PFKM: variants seen among roughly 807,000 people sequenced by gnomAD.
PFKM encodes the protein phosphofructokinase, muscle, also known as ATP-dependent 6-phosphofructokinase, muscle type.
In PFKM, 58 loss-of-function variants were observed where a neutral mutation model predicts 95.5. The ratio of observed to expected loss-of-function variants is 0.61; its 90% CI spans 0.49 to 0.76. The LOEUF is 0.76. PFKM is among the 30% of genes least tolerant of loss of function. The pLI, the probability that PFKM is intolerant of heterozygous loss-of-function variation, is 0.00. For synonymous variants in PFKM, 336 were observed against 357.2 expected (o/e 0.94, Z 0.67); for missense variants, 678 against 1,005.4 (o/e 0.67, Z 4.40).
Position 48,141,371 on chromosome 12 carries a change from G to C in PFKM, c.1402G>C (p.Gly468Arg). The change falls in exon 15 of 23, where the codon GGG becomes CGG. Residue 468 changes from glycine to arginine, a missense_variant. Coordinates refer to ENST00000359794, the MANE Select transcript of PFKM (RefSeq NM_000289.6). ...GACTGGCCAAGGTGGCTCTAAACTTGGGACTAAAAGGTAAGTAGCACTGCA... is the reference window on the plus strand; with the variant it reads ...GACTGGCCAAGGTGGCTCTAAACTTCGGACTAAAAGGTAAGTAGCACTGCA... The part of the protein sequence containing the change: ...GWTGQGGSKL[G>R]TKRTLPKKSF... 1 of 1,613,978 alleles carries C rather than the reference G, an allele frequency of 6.2e-7. No individual in the cohort carries two copies. The highest frequency in any genetic ancestry group is 1.1e-5 in the South Asian group (1 of 91,080).
chr12:48,108,305 C>A, intron 3 of PFKM: 1 of 915,678 alleles, frequency 1.1e-6, no homozygotes, highest in South Asian at 2.4e-5. Flanking sequence ...AAATATAAGA[C>A]CCAAGGGGGA....
chr12:48,126,111 C>G (rs1249652965), intron 2 of PFKM, among the ~76,000 whole-genome samples: 1 of 152,104 alleles, frequency 6.6e-6, no homozygotes, highest in Non-Finnish European at 1.5e-5. Context: ...CTGACTACAC[C>G]CAGAATACCT....
intron 4 of PFKM, 173 bp downstream of exon 4, chr12:48,131,566 T>C (rs1402204603): frequency 3.0e-6 from 2 of 669,262 alleles, no homozygotes; most frequent in Non-Finnish European, 5.4e-6. Flanking sequence ...AATACCACCC[T>C]GGTTTCCTGG....
intron 20 of PFKM, among the ~76,000 whole-genome samples, chr12:48,144,492 G>C (rs1488849794): frequency 1.3e-5 from 2 of 152,038 alleles, no homozygotes; most frequent in East Asian, 3.9e-4. Flanking sequence ...AGCATCCCTG[G>C]TCTCTACCCA....
At chr12:48,134,133 C>A in intron 6 of PFKM, 99 bp from the exon 7 acceptor site, 1 of 959,978 alleles carries the variant, frequency 1.0e-6, no homozygotes, top group Non-Finnish European at 1.7e-6. Context: ...TGGCAGCATA[C>A]ATGTATCTCC....
At chr12:48,131,118 A>G (rs2135853637) in intron 3 of PFKM, among the ~76,000 whole-genome samples, 198 bp from the exon 4 acceptor site, 1 of 152,334 alleles carries the variant, frequency 6.6e-6, no homozygotes. Flanking sequence ...AAATGGGAGA[A>G]AGTAGAAGAG....
intron 10 of PFKM, among the ~76,000 whole-genome samples, chr12:48,135,921 C>G (rs987180508): frequency 5.1e-5 from 4 of 78,142 alleles, no homozygotes; most frequent in Non-Finnish European, 1.2e-4. Flanking sequence ...CGCACCATTG[C>G]ACTCGCTCCC....
At position 48,112,095 on chromosome 12, in the gene PFKM, C is replaced by A. The variant is rs12322803; in HGVS notation, c.205+3901C>A. Reference sequence around the variant, plus strand: ...CGCGGTCCTGGCTTATGTAAGAACTCCGACTGCACGGCCCTGCACTTTGGC... The same window carrying A: ...CGCGGTCCTGGCTTATGTAAGAACTACGACTGCACGGCCCTGCACTTTGGC... On this transcript the variant is annotated intron_variant, in intron 3 of 24. Coordinates refer to the PFKM transcript ENST00000340802. Among the ~76,000 whole-genome samples, 1,203 of 152,278 alleles carry A rather than the reference C, an allele frequency of 7.9e-3. 29 individuals carry two copies. Among genetic ancestry groups the A allele is most frequent in the African/African-American group, 0.027 (1,141 of 41,542 alleles).
intron 2 of PFKM, among the ~76,000 whole-genome samples, chr12:48,124,529 A>G (rs1948619957): frequency 1.3e-5 from 2 of 152,176 alleles, no homozygotes; most frequent in African/African-American, 4.8e-5. Flanking sequence ...GAAAGGTCAG[A>G]CTAGGATTTA....
At chr12:48,105,533 A>T (rs1322673823), upstream of PFKM, 13 of 513,150 alleles carry the variant, frequency 2.5e-5, no homozygotes, top group African/African-American at 5.8e-5. Context: ...ACCACAGAGT[A>T]GGAGAGTTGG....
chr12:48,117,630 G>C (rs1947785607), upstream of PFKM, among the ~76,000 whole-genome samples: 1 of 151,902 alleles, frequency 6.6e-6, no homozygotes, highest in African/African-American at 2.4e-5. Context: ...TATCTTCTTT[G>C]GTCAACTCTT....
Position 48,132,955 on chromosome 12 carries a change from G to C in PFKM, c.325G>C (p.Gly109Arg). Residue 109 changes from glycine (G) to arginine (R), a missense_variant, in exon 5 of 23, where the codon GGG becomes CGG. By Grantham distance (125) the Gly-to-Arg change is moderately radical. Transcript: ENST00000359794. ...LRAAYNLVKR[G>R]ITNLCVIGGD... The stretch of plus-strand genomic sequence containing the variant: ...AGCTGCCTACAACCTGGTGAAGCGT[G>C]GGATCACCAATCTCTGTGTCATTGG... 2 of 1,613,956 alleles carry C rather than the reference G, an allele frequency of 1.2e-6. No homozygotes were observed. The highest frequency in any genetic ancestry group is 1.7e-6 in the Non-Finnish European group (2 of 1,179,824).
intron 1 of PFKM, 47 bp downstream of exon 1, chr12:48,119,453 A>T: frequency 3.1e-6 from 3 of 977,900 alleles, no homozygotes; most frequent in Non-Finnish European, 3.6e-6. Context: ...GCTGGGAGTG[A>T]GGTGGGAAGG....
chr12:48,122,324 T>G (rs1948374168), intron 1 of PFKM, among the ~76,000 whole-genome samples: 1 of 152,226 alleles, frequency 6.6e-6, no homozygotes, highest in African/African-American at 2.4e-5. Flanking sequence ...GCTCTTCTAC[T>G]TCTACTTTGC....
intron 5 of PFKM, 119 bp from the exon 6 acceptor site, chr12:48,133,196 C>T (rs1949698442): frequency 7.8e-7 from 1 of 1,278,650 alleles, no homozygotes; most frequent in Non-Finnish European, 1.1e-6. Context: ...TCTTTGCCCT[C>T]CTTTTTCTGG....
At chr12:48,105,742 C>T, upstream of PFKM, 1 of 533,124 alleles carries the variant, frequency 1.9e-6, no homozygotes. Context: ...TGGGATGGGG[C>T]CTGCTGTAAC....
intron 11 of PFKM, among the ~76,000 whole-genome samples, 166 bp downstream of exon 11, chr12:48,138,012 G>T (rs769058996): frequency 1.4e-4 from 22 of 152,190 alleles, no homozygotes; most frequent in Admixed American, 6.5e-5. Flanking sequence ...TTGCATAGGA[G>T]CTCTTAACTA....
At position 48,145,743 on chromosome 12, in the gene PFKM, C is replaced by A; in HGVS notation, c.*35C>A. 6.2e-7 allele frequency: 1 copy of A among 1,607,540 alleles called. No individual in the cohort carries two copies. The highest frequency in any genetic ancestry group is 1.1e-5 in the South Asian group (1 of 90,908). On this transcript the variant is annotated 3_prime_UTR_variant, in exon 23 of 23. Coordinates refer to ENST00000359794, the MANE Select transcript of PFKM (RefSeq NM_000289.6). The surrounding 1 kb of genome is among the most constrained non-coding windows in gnomAD (Gnocchi z 4.3). ...GAGTGAGGGGAATAGATTACCTGAT[C>A]ATGGTCAGCTCACACCCTAATAAGT...
intron 3 of PFKM, among the ~76,000 whole-genome samples, chr12:48,110,360 A>G: frequency 6.6e-6 from 1 of 152,206 alleles, no homozygotes; most frequent in Admixed American, 6.5e-5. Flanking sequence ...AAATCACTGA[A>G]GAATGATAGG....
Sources: allele counts gnomAD v4.1 joint callset (sites outside exome capture counted in the v4.1 genomes callset), GRCh38; gene constraint gnomAD v4.1.1; non-coding constraint Gnocchi (gnomAD v3.1); transcripts MANE v1.5; gene names NCBI Gene and HGNC (gene_info 2026-07-23, HGNC 2026-07-21).